Variants in SPEG observed in about 807,000 individuals in gnomAD.
SPEG encodes striated muscle enriched protein kinase, also known as striated muscle preferentially expressed protein kinase.
Under a neutral mutation model 300.4 loss-of-function variants are expected in SPEG, and 114 were observed. The ratio of observed to expected loss-of-function variants is 0.38; its 90% CI spans 0.33 to 0.44. The LOEUF is 0.44. Among genes scored for constraint, SPEG ranks in the 20% least tolerant of loss-of-function variants. The pLI, the probability that SPEG is intolerant of heterozygous loss-of-function variation, is 1.00. For synonymous variants in SPEG, 1,964 were observed against 2,018.9 expected (o/e 0.97, Z 0.73); for missense variants, 4,201 against 4,586.2 (o/e 0.92, Z 2.43).
At chr2:219,466,997 C>A in intron 9 of SPEG, 177 bp from the exon 10 acceptor site, 1 of 1,045,480 alleles carries the variant, frequency 9.6e-7, no homozygotes, top group Non-Finnish European at 1.3e-6. Context: ...CATCTCAAAG[C>A]CAGGTCTGGG....
At position 219,481,811 on chromosome 2, in the gene SPEG, C is replaced by A; in HGVS notation, c.5565+131C>A. ...ATTGTATGTACATATGACGTATTAG[C>A]CTCACAATAGCTTTGCAAAGGAAGG... On this transcript the variant is annotated intron_variant, in intron 28 of 40. Transcript: ENST00000312358. The surrounding 1 kb of genome is among the most constrained non-coding windows in gnomAD (Gnocchi z 5.4). 2 of 811,952 alleles carry A rather than the reference C, an allele frequency of 2.5e-6. No individual in the cohort carries two copies. Among genetic ancestry groups the A allele is most frequent in the South Asian group, 1.5e-5 (1 of 68,548 alleles). 50.3% of individuals were successfully genotyped at this position (811,952 alleles called of 1,614,324 possible).
Position 219,444,562 on chromosome 2 carries a change from G to A in SPEG, c.389-91G>A. On this transcript the variant is annotated intron_variant, in intron 1 of 40. Coordinates refer to ENST00000312358, the MANE Select transcript of SPEG (RefSeq NM_005876.5). This position sits in a 1 kb window ranked among gnomAD's most constrained non-coding sequence, Gnocchi z 7.8. ...GCAGCCCTGCCAGTGATAAGATGGA[G>A]CCTGCTGTTGGCAGGGAGGCAGAAG... The A allele has an allele frequency of 9.3e-7, 1 of 1,070,390 alleles. No homozygotes were observed. The highest frequency in any genetic ancestry group is 2.4e-5 in the East Asian group (1 of 42,068). The allele number at this position is 1,070,390 out of a possible 1,614,324, so 66.3% of individuals were successfully genotyped here. A position where few individuals can be genotyped will look rare whatever the true frequency, so the allele number is the denominator to read the frequency against.
chr2:219,491,737 G>C (rs932523315), intron 38 of SPEG, 57 bp from the exon 39 acceptor site: 4 of 1,443,560 alleles, frequency 2.8e-6, no homozygotes, highest in Non-Finnish European at 3.9e-6. Flanking sequence ...GACCTCCCCC[G>C]CCCCCACTTC....
In SPEG at chr2:219,468,931, A is replaced by G; in HGVS notation, c.3374A>G (p.His1125Arg). The change falls in exon 12 of 41, where the codon CAT becomes CGT. Residue 1125 changes from histidine to arginine, a missense_variant. Physicochemically the swap from His to Arg is conservative, Grantham distance 29 (BLOSUM62 0). Around this residue, in one of 4 missense-constraint regions of SPEG, gnomAD observed 1,047 missense variants for 1,356.8 expected, o/e 0.77. Coordinates refer to ENST00000312358, the MANE Select transcript of SPEG (RefSeq NM_005876.5). ...DGGLHSLHIA[H>R]VGSEDEGLYA... ...GGTCTGCACTCACTGCACATTGCCC[A>G]TGTGGGCAGCGAGGACGAGGGGCTC... 1 of 1,613,918 alleles carries G rather than the reference A, an allele frequency of 6.2e-7. No individual in the cohort carries two copies.
In SPEG at chr2:219,484,944, C is replaced by T; in HGVS notation, c.7481C>T (p.Ala2494Val). 2 of 1,529,576 alleles carry T rather than the reference C, an allele frequency of 1.3e-6. No individual in the cohort carries two copies. Among genetic ancestry groups the T allele is most frequent in the Non-Finnish European group, 1.7e-6 (2 of 1,144,434 alleles). The allele number at this position is 1,529,576 out of a possible 1,614,324, so 94.8% of individuals were successfully genotyped here. The stretch of plus-strand genomic sequence containing the variant: ...CCGCTGTTCGGACGGCTTCGCAGGG[C>T]CACGTCCGAGGGCGAGAGTCTGCGG... ...STPLFGRLRR[A>V]TSEGESLRRL... The change falls in exon 30 of 41, where the codon GCC (alanine) becomes GTC (valine). Residue 2494 changes from alanine to valine, a missense_variant. Ala to Val is a moderately conservative substitution (Grantham distance 64, BLOSUM62 0). Transcript: ENST00000312358.
intron 6 of SPEG, chr2:219,461,642 G>A: frequency 1.2e-6 from 1 of 866,560 alleles, no homozygotes; most frequent in Non-Finnish European, 1.6e-6. Context: ...TTTCCCTATG[G>A]TGTCCCCTCC....
intron 38 of SPEG, among the ~76,000 whole-genome samples, chr2:219,491,357 G>T (rs4674405): frequency 6.6e-6 from 1 of 151,986 alleles, no homozygotes; most frequent in African/African-American, 2.4e-5. Context: ...CACACTTTAC[G>T]GATGAGGCTG....
intron 9 of SPEG, chr2:219,465,603 GGT>G (rs1231274702): frequency 1.8e-5 from 4 of 218,012 alleles, no homozygotes; most frequent in Non-Finnish European, 3.7e-5. Context: ...CAGGCTTTGG[GGT>G]GCTCCTGATC....
Position 219,479,257 on chromosome 2 carries a change from C to T in SPEG, c.5085+56C>T, listed in dbSNP as rs1329978072. 3 of 1,483,080 alleles carry T rather than the reference C, an allele frequency of 2.0e-6. No individual in the cohort carries two copies. The highest frequency in any genetic ancestry group is 3.4e-5 in the Admixed American group (2 of 58,734). 91.9% of individuals were successfully genotyped at this position (1,483,080 alleles called of 1,614,324 possible). On this transcript the variant is annotated intron_variant, in intron 23 of 40. Coordinates refer to ENST00000312358, the MANE Select transcript of SPEG (RefSeq NM_005876.5). This position sits in a 1 kb window ranked among gnomAD's most constrained non-coding sequence, Gnocchi z 5.5. The stretch of plus-strand genomic sequence containing the variant: ...GGGCACCAGCCTTCACCCACCTGAG[C>T]TTTGAGAACCAACAAATGGGTCCTG...
Position 219,448,669 on chromosome 2 carries a change from C to G in SPEG, c.1511C>G (p.Ser504Cys). 4 of 1,492,482 alleles carry G rather than the reference C, an allele frequency of 2.7e-6. No homozygotes were observed. The highest frequency in any genetic ancestry group is 3.5e-6 in the Non-Finnish European group (4 of 1,129,240). 92.5% of individuals were successfully genotyped at this position (1,492,482 alleles called of 1,614,324 possible). A position where few individuals can be genotyped will look rare whatever the true frequency, so the allele number is the denominator to read the frequency against. The change falls in exon 4 of 41, where the codon TCC becomes TGC. Residue 504 changes from serine (S) to cysteine (C), a missense_variant. Transcript: ENST00000312358. Reference protein sequence around the residue: ...FAQELGRIRRSTSREELVRSH... With the variant: ...FAQELGRIRRCTSREELVRSH... ...CAGGAGCTGGGCCGCATCCGCCGCT[C>G]CACGTCGCGGGAGGAGCTGGTGCGC...
intron 4 of SPEG, chr2:219,450,848 C>G: frequency 3.1e-6 from 1 of 320,330 alleles, no homozygotes; most frequent in Non-Finnish European, 5.7e-6. Context: ...ACAGTGCAGT[C>G]CTGTCTTTCT....
At chr2:219,447,243 G>A (rs1041564583) in intron 3 of SPEG, among the ~76,000 whole-genome samples, 5 of 150,670 alleles carry the variant, frequency 3.3e-5, no homozygotes, top group African/African-American at 1.2e-4. Context: ...TTCTCAGGGG[G>A]GATTTCTAAG....
In SPEG at chr2:219,473,482, G is replaced by C. The variant is rs1386740220; in HGVS notation, c.4148-22G>C. 3 of 1,612,960 alleles carry C rather than the reference G, an allele frequency of 1.9e-6. No individual in the cohort carries two copies. The Admixed American group carries it at 5.0e-5, about 27-fold the overall frequency. On this transcript the variant is annotated intron_variant, in intron 16 of 40. Coordinates refer to ENST00000312358, the MANE Select transcript of SPEG (RefSeq NM_005876.5). The surrounding 1 kb of genome is among the most constrained non-coding windows in gnomAD (Gnocchi z 4.6). ...GACCTGATGTCAAGCCCAGCACAGA[G>C]CCTGCGCTCTCCTCCTCCCAGGCCC...
intron 6 of SPEG, among the ~76,000 whole-genome samples, chr2:219,452,327 T>C (rs935979576): frequency 2.6e-5 from 4 of 152,186 alleles, no homozygotes; most frequent in African/African-American, 9.7e-5. Flanking sequence ...GAGCACTTCT[T>C]GGGCTGGCAG....
chr2:219,489,540 C>T lies in SPEG; in HGVS notation c.8522C>T (p.Pro2841Leu). 2 of 1,613,560 alleles carry T rather than the reference C, an allele frequency of 1.2e-6. No homozygotes were observed. Among genetic ancestry groups the T allele is most frequent in the Admixed American group, 1.7e-5 (1 of 60,004 alleles). Residue 2841 changes from proline (P) to leucine (L), a missense_variant, in exon 36 of 41, where the codon CCA (proline) becomes CTA (leucine). This residue lies in a region of SPEG where 1,578 missense variants were observed against 1,506.0 expected (regional missense o/e 1.05). Coordinates refer to ENST00000312358, the MANE Select transcript of SPEG (RefSeq NM_005876.5). ...ALSSLKAVGP[P>L]PQTPPRRHRG... ...TCCTCGCTCAAGGCTGTGGGTCCAC[C>T]ACCCCAAACCCCTCCACGAAGACAC...
chr2:219,457,534 A>G (rs144744792), intron 6 of SPEG, among the ~76,000 whole-genome samples: 5 of 152,368 alleles, frequency 3.3e-5, no homozygotes, highest in African/African-American at 1.2e-4. Context: ...CAGTGAGCTG[A>G]GATTACACCA....
chr2:219,461,176 G>A, intron 6 of SPEG: 1 of 978,184 alleles, frequency 1.0e-6, no homozygotes, highest in Non-Finnish European at 1.2e-6. Flanking sequence ...CCTCCCCCAA[G>A]GCTGACTCTG....
In SPEG at chr2:219,482,799, G is replaced by A. The variant is rs773969074; in HGVS notation, c.5581G>A (p.Ala1861Thr). ...GGGTTTGCAGACTCAGGCAAAGGGCGCAGAGGTGAGCACGGATCACCTGAA... is the reference window on the plus strand; with the variant it reads ...GGGTTTGCAGACTCAGGCAAAGGGCACAGAGGTGAGCACGGATCACCTGAA... ...HPWFKTQAKG[A>T]EVSTDHLKLF... Residue 1861 changes from alanine (A) to threonine (T), a missense_variant, in exon 29 of 41, where the codon GCA becomes ACA. Transcript: ENST00000312358. 23 of 1,613,686 alleles carry A rather than the reference G, an allele frequency of 1.4e-5. No homozygotes were observed. The highest frequency in any genetic ancestry group is 3.3e-5 in the South Asian group (3 of 91,078).
rs916309208 is a variant in SPEG at position 219,464,038 on chromosome 2, CT to C, written c.2706-393del. On this transcript the variant is annotated intron_variant, in intron 8 of 40. Coordinates refer to ENST00000312358, the MANE Select transcript of SPEG (RefSeq NM_005876.5). This position sits in a 1 kb window ranked among gnomAD's most constrained non-coding sequence, Gnocchi z 4.5. ...TCAGGAGGCTGAGATGGGGAGATCG[CT>C]TGAGCCTGGGGAGGTAGAAGCTGCA... Among the ~76,000 whole-genome samples, 2 of 151,384 alleles carry C rather than the reference CT, an allele frequency of 1.3e-5. No homozygotes were observed. Among genetic ancestry groups the C allele is most frequent in the African/African-American group, 4.9e-5 (2 of 41,148 alleles).
Sources: gnomAD v4.1 joint callset for allele counts (sites outside exome capture counted in the v4.1 genomes callset) on GRCh38, gnomAD v4.1.1 for gene constraint, gnomAD v4.1.1 regional missense constraint, Gnocchi (gnomAD v3.1) non-coding constraint, MANE v1.5 for transcripts, NCBI Gene and HGNC (gene_info 2026-07-23, HGNC 2026-07-21) for gene names.